Variants in PTPRU observed in about 807,000 individuals in gnomAD.
PTPRU encodes receptor-type tyrosine-protein phosphatase U.
A neutral mutation model predicts 166.3 loss-of-function variants in PTPRU; 69 were observed. That is an observed-to-expected ratio of 0.41 (90% confidence interval 0.34 to 0.51). The LOEUF (loss-of-function observed/expected upper bound fraction) is 0.51. Among genes scored for constraint, PTPRU ranks in the 20% least tolerant of loss-of-function variants. The pLI is 0.09. For missense variants in PTPRU, 1,657 were observed against 2,013.7 expected, an observed-to-expected ratio of 0.82 and a Z score of 3.39; for synonymous variants, 793 against 814.0, an observed-to-expected ratio of 0.97 and a Z score of 0.44.
intron 18 of PTPRU, chr1:29,305,638 C>T: frequency 1.3e-6 from 1 of 749,164 alleles, no homozygotes; most frequent in Non-Finnish European, 2.4e-6. Flanking sequence ...GGGAGTTGGC[C>T]TGAGAGATGA....
At chr1:29,259,595 C>CGGGG in intron 5 of PTPRU, 31 bp downstream of exon 5, 1 of 265,616 alleles carries the variant, frequency 3.8e-6, no homozygotes, top group South Asian at 3.0e-5. Flanking sequence ...TGGCTGGGGG[C>CGGGG]GGGGTGGGAG....
At chr1:29,270,725 G>A (rs1055084347) in intron 7 of PTPRU, among the ~76,000 whole-genome samples, 4 of 152,314 alleles carry the variant, frequency 2.6e-5, no homozygotes, top group Admixed American at 6.5e-5. Flanking sequence ...AACTTTGGGA[G>A]GCTGAGGCAG....
rs894210397 is a variant in PTPRU, at chr1:29,283,972, G to C, written c.2175G>C (p.Arg725Ser). Residue 725 changes from arginine to serine, a missense_variant, in exon 13 of 30, where the codon AGG becomes AGC. Around this residue, in one of 3 missense-constraint regions of PTPRU, gnomAD observed 1,190 missense variants for 1,477.4 expected, o/e 0.81. Transcript: ENST00000373779. ...GGCTGAATTGCATCCGCATTGCCAG[G>C]AAAGGTAAGTCCGCTGAGTTCCTGC... ...ETRLNCIRIA[R>S]KAACKESKRP... is the part of the protein sequence containing the mutation. 7 of 1,613,654 alleles carry C rather than the reference G, an allele frequency of 4.3e-6. No individual in the cohort carries two copies. The highest frequency in any genetic ancestry group is 5.9e-6 in the Non-Finnish European group (7 of 1,180,040).
At chr1:29,313,030 T>C (rs1344802415) in intron 22 of PTPRU, among the ~76,000 whole-genome samples, 1 of 152,180 alleles carries the variant, frequency 6.6e-6, no homozygotes, top group Admixed American at 6.5e-5. Context: ...AGCTTTTTGT[T>C]GCACACCTGC....
At chr1:29,270,683 C>T (rs1219143935) in intron 7 of PTPRU, among the ~76,000 whole-genome samples, 1 of 152,150 alleles carries the variant, frequency 6.6e-6, no homozygotes, top group Non-Finnish European at 1.5e-5. Context: ...AGAACTATGG[C>T]CAGGTGCAGT....
chr1:29,285,427 C>A lies in PTPRU; in HGVS notation c.2318+558C>A, dbSNP rs567834091. 7.2e-5 allele frequency among the ~76,000 whole-genome samples: 11 copies of A among 152,312 alleles called. No individual in the cohort carries two copies. The South Asian group carries it at 2.1e-3, about 29-fold the overall frequency. On this transcript the variant is annotated intron_variant, in intron 14 of 29. Coordinates refer to ENST00000373779, the MANE Select transcript of PTPRU (RefSeq NM_133178.4). The stretch of plus-strand genomic sequence containing the variant: ...GGCCTGTGACTGATAAACCCCTCCC[C>A]CTGCCGCCCCTACTATCCCTCGTGT...
intron 8 of PTPRU, 90 bp downstream of exon 8, chr1:29,275,846 TC>T (rs1338667503): frequency 2.7e-5 from 39 of 1,428,336 alleles, no homozygotes; most frequent in Admixed American, 1.2e-4. Context: ...GGTATTTTTT[TC>T]TTTTTTTTGC....
At position 29,311,749 on chromosome 1, in the gene PTPRU, C is replaced by T. The variant is rs1687674590; in HGVS notation, c.3062C>T (p.Ala1021Val). 1 of 1,613,920 alleles carries T rather than the reference C, an allele frequency of 6.2e-7. No individual in the cohort carries two copies. The highest frequency in any genetic ancestry group is 8.5e-7 in the Non-Finnish European group (1 of 1,179,838). ...TLAEYVVRTF[A>V]LERRGYSARH... is the part of the protein sequence containing the mutation. ...GCTGAGTATGTCGTGCGCACTTTTGCCCTGGAGCGGGTGAGTCTCCCCACC... is the reference window on the plus strand; with the variant it reads ...GCTGAGTATGTCGTGCGCACTTTTGTCCTGGAGCGGGTGAGTCTCCCCACC... Residue 1021 changes from alanine to valine, a missense_variant, in exon 21 of 30, where the codon GCC becomes GTC. Physicochemically the swap from Ala to Val is moderately conservative, Grantham distance 64. This residue lies in a region of PTPRU where 1,190 missense variants were observed against 1,477.4 expected (regional missense o/e 0.81). Coordinates refer to ENST00000373779, the MANE Select transcript of PTPRU (RefSeq NM_133178.4). This position sits in a 1 kb window ranked among gnomAD's most constrained non-coding sequence, Gnocchi z 4.1.
In PTPRU at chr1:29,317,826, C is replaced by T. The variant is rs372814690; in HGVS notation, c.3592C>T (p.Arg1198Cys). The change falls in exon 25 of 30, where the codon CGC becomes TGC. Residue 1198 changes from arginine to cysteine, a missense_variant. Around this residue, in one of 3 missense-constraint regions of PTPRU, gnomAD observed 1,190 missense variants for 1,477.4 expected, o/e 0.81. Transcript: ENST00000373779. The surrounding 1 kb of genome is among the most constrained non-coding windows in gnomAD (Gnocchi z 5.6). ...GTTGCCCCGGAACCGCGACAAGAACCGCAGCATGGACGTCCTGCCGCCCGA... is the reference window on the plus strand; with the variant it reads ...GTTGCCCCGGAACCGCGACAAGAACTGCAGCATGGACGTCCTGCCGCCCGA... ...ALLPRNRDKN[R>C]SMDVLPPDRC... The T allele has an allele frequency of 5.6e-6, 9 of 1,613,772 alleles. No homozygotes were observed. Among genetic ancestry groups the T allele is most frequent in the African/African-American group, 5.3e-5 (4 of 75,044 alleles).
rs71586898 is a variant in PTPRU, at chr1:29,277,803, C to CTTTTTTTTTTTTT, written c.1454-1188_1454-1176dup. On this transcript the variant is annotated intron_variant, in intron 8 of 29. Coordinates refer to ENST00000373779, the MANE Select transcript of PTPRU (RefSeq NM_133178.4). ...ACCATCTGGCTTCACAGTTGTCATT[C>CTTTTTTTTTTTTT]TTTTTTTTTTTTTTTTTTTTTTTTT... Among the ~76,000 whole-genome samples the CTTTTTTTTTTTTT allele has an allele frequency of 7.2e-3, 365 of 50,586 alleles. 76 individuals are homozygous for CTTTTTTTTTTTTT. Among genetic ancestry groups the CTTTTTTTTTTTTT allele is most frequent in the Non-Finnish European group, 9.4e-3 (286 of 30,356 alleles). The allele number at this position is 50,586 out of a possible 152,430, so 33.2% of individuals were successfully genotyped here.
At chr1:29,240,163 C>G (rs150323117) in intron 1 of PTPRU, among the ~76,000 whole-genome samples, 1 of 152,162 alleles carries the variant, frequency 6.6e-6, no homozygotes, top group Non-Finnish European at 1.5e-5. Flanking sequence ...TTGATGGGCT[C>G]TCAGCTGTAA....
At chr1:29,282,051 C>T (rs1273954266) in intron 11 of PTPRU, among the ~76,000 whole-genome samples, 1 of 152,202 alleles carries the variant, frequency 6.6e-6, no homozygotes, top group African/African-American at 2.4e-5. Flanking sequence ...CTCCGATTTG[C>T]TGATCAGAGG....
At position 29,304,052 on chromosome 1, in the gene PTPRU, G is replaced by C; in HGVS notation, c.2667+7G>C. ...CTTCAAGCAGGAGTATGAGGTGCACGCCGGCCCCGGGCCAGCAGGATCCCT... is the reference window on the plus strand; with the variant it reads ...CTTCAAGCAGGAGTATGAGGTGCACCCCGGCCCCGGGCCAGCAGGATCCCT... On this transcript the variant is annotated splice_region_variant and intron_variant, in intron 16 of 29. Transcript: ENST00000373779. 1 of 1,596,972 alleles carries C rather than the reference G, an allele frequency of 6.3e-7. No homozygotes were observed. The highest frequency in any genetic ancestry group is 8.6e-7 in the Non-Finnish European group (1 of 1,167,824).
At position 29,279,540 on chromosome 1, in the gene PTPRU, A is replaced by T; in HGVS notation, c.1648A>T (p.Thr550Ser). ...TACCATCTCCAAGCTCCGCAATGAGACCTACCATGTCTTCTCCAACCTGCA... is the reference window on the plus strand; with the variant it reads ...TACCATCTCCAAGCTCCGCAATGAGTCCTACCATGTCTTCTCCAACCTGCA... ...RRTISKLRNE[T>S]YHVFSNLHPG... The change falls in exon 10 of 30, where the codon ACC becomes TCC. Residue 550 changes from threonine (T) to serine (S), a missense_variant. Thr to Ser is a moderately conservative substitution (Grantham distance 58, BLOSUM62 1). Coordinates refer to ENST00000373779, the MANE Select transcript of PTPRU (RefSeq NM_133178.4). The surrounding 1 kb of genome is among the most constrained non-coding windows in gnomAD (Gnocchi z 5.2). 1 of 1,614,050 alleles carries T rather than the reference A, an allele frequency of 6.2e-7. No individual in the cohort carries two copies. Among genetic ancestry groups the T allele is most frequent in the Non-Finnish European group, 8.5e-7 (1 of 1,179,996 alleles).
intron 16 of PTPRU, 21 bp downstream of exon 16, chr1:29,304,066 A>G: frequency 6.3e-7 from 1 of 1,592,046 alleles, no homozygotes; most frequent in African/African-American, 1.3e-5. Context: ...GCCCCGGGCC[A>G]GCAGGATCCC....
At chr1:29,321,886 T>G (rs1052619267) in intron 26 of PTPRU, among the ~76,000 whole-genome samples, 2 of 152,132 alleles carry the variant, frequency 1.3e-5, no homozygotes, top group Non-Finnish European at 2.9e-5. Flanking sequence ...CCCCTCTGAC[T>G]CCCCTGTTTC....
In PTPRU at chr1:29,238,343, C is replaced by T. The variant is rs1435854642; in HGVS notation, c.73+1626C>T. Among the ~76,000 whole-genome samples, 1 of 152,112 alleles carries T rather than the reference C, an allele frequency of 6.6e-6. No individual in the cohort carries two copies. The highest frequency in any genetic ancestry group is 1.5e-5 in the Non-Finnish European group (1 of 68,000). The stretch of plus-strand genomic sequence containing the variant: ...GGCCCCTTCCCGCGGAGTTTCGGGG[C>T]CCTGCTCCGGGTGACCTCCCCCGCC... On this transcript the variant is annotated intron_variant, in intron 1 of 29. Coordinates refer to ENST00000373779, the MANE Select transcript of PTPRU (RefSeq NM_133178.4). This position sits in a 1 kb window ranked among gnomAD's most constrained non-coding sequence, Gnocchi z 6.1.
intron 26 of PTPRU, among the ~76,000 whole-genome samples, chr1:29,321,711 T>C (rs1688169319): frequency 6.6e-6 from 1 of 152,226 alleles, no homozygotes; most frequent in Admixed American, 6.5e-5. Flanking sequence ...CCTGTTCTTG[T>C]GGGGTTATTG....
At chr1:29,288,270 G>C (rs539589322) in intron 14 of PTPRU, among the ~76,000 whole-genome samples, 1 of 152,316 alleles carries the variant, frequency 6.6e-6, no homozygotes, top group East Asian at 1.9e-4. Context: ...GAGACAAAAA[G>C]ACAAGGATTC....
Sources: allele counts gnomAD v4.1 joint callset (sites outside exome capture counted in the v4.1 genomes callset), GRCh38; gene constraint gnomAD v4.1.1; regional missense constraint gnomAD v4.1.1; non-coding constraint Gnocchi (gnomAD v3.1); transcripts MANE v1.5; gene names NCBI Gene and HGNC (gene_info 2026-07-23, HGNC 2026-07-21).